Variants in FLT4 observed in about 807,000 individuals in gnomAD.
The protein encoded by FLT4 is vascular endothelial growth factor receptor 3.
A neutral mutation model predicts 163.2 loss-of-function variants in FLT4; 30 were observed. The observed-to-expected ratio is 0.18, with a 90% CI of 0.14 to 0.25. FLT4 has a LOEUF of 0.25. FLT4 is among the 10% of genes least tolerant of loss of function. The probability of loss-of-function intolerance (pLI) is 1.00; values close to 1 mark genes in which losing one functional copy is unlikely to be tolerated. For missense variants in FLT4, 1,510 were observed against 1,863.8 expected (o/e 0.81, Z 3.50); for synonymous variants, 884 against 789.5 (o/e 1.12, Z -2.01).
rs770509592 is a variant in FLT4, at chr5:180,629,846, G to A, written c.677-11C>T. The stretch of plus-strand genomic sequence containing the variant: ...CATAGAGCTCGTTGCCTGTTGACAC[G>A]CACACAGTGACTCCCACGCCCTCAC... On this transcript the variant is annotated splice_polypyrimidine_tract_variant and intron_variant, in intron 5 of 29. Coordinates refer to ENST00000261937, the MANE Select transcript of FLT4 (RefSeq NM_182925.5). 4 of 1,612,490 alleles carry A rather than the reference G, an allele frequency of 2.5e-6. No homozygotes were observed. The South Asian group carries it at 3.3e-5, about 13-fold the overall frequency.
Position 180,613,842 on chromosome 5 carries a change from T to G in FLT4, c.3331+226A>C, listed in dbSNP as rs533958550. 198 of 601,274 alleles carry G rather than the reference T, an allele frequency of 3.3e-4. 1 individual carries two copies. Among genetic ancestry groups the G allele is most frequent in the African/African-American group, 3.3e-3 (179 of 54,968 alleles). The allele number at this position is 601,274 out of a possible 1,614,324, so 37.2% of individuals were successfully genotyped here. On this transcript the variant is annotated intron_variant, in intron 24 of 29. Transcript: ENST00000261937. ...GGCTCAGTCCTGGCTCAGGCTTCAA[T>G]GTGCACCCCACAGAGGGTGGCCCAC...
chr5:180,608,302 C>T (rs1299866591), intron 29 of FLT4: 39 of 700,710 alleles, frequency 5.6e-5, no homozygotes, highest in East Asian at 2.9e-4. Flanking sequence ...GGAAGGGCCC[C>T]GTCCCATGAT....
chr5:180,618,646 G>C (rs2127806082), intron 21 of FLT4, 124 bp downstream of exon 21: 1 of 1,056,798 alleles, frequency 9.5e-7, no homozygotes, highest in South Asian at 1.4e-5. Context: ...CCCTTCCTAA[G>C]GCAGAGCCCA....
In FLT4 at chr5:180,602,068, G is replaced by A. The variant is rs545446086; in HGVS notation, c.*1124C>T. 1.1e-4 allele frequency: 25 copies of A among 233,530 alleles called. No individual in the cohort carries two copies. In the South Asian group the frequency reaches 3.4e-3, roughly 32 times the overall value. The allele number at this position is 233,530 out of a possible 1,614,324, so 14.5% of individuals were successfully genotyped here. ...TCTCGGCTGCTCCTCTGGGAGGGCG[G>A]CATTCTGACCAGCCAGGGTGCTGAT... is the stretch of plus-strand genomic sequence containing the variant. On this transcript the variant is annotated 3_prime_UTR_variant, in exon 30 of 30. Coordinates refer to ENST00000261937, the MANE Select transcript of FLT4 (RefSeq NM_182925.5).
At chr5:180,633,802 T>C (rs1028720199) in intron 1 of FLT4, among the ~76,000 whole-genome samples, 7 of 152,112 alleles carry the variant, frequency 4.6e-5, no homozygotes, top group Admixed American at 2.0e-4. Flanking sequence ...TCCGGATGAA[T>C]AGACTCTACC....
chr5:180,625,338 GC>G (rs1305464687), intron 10 of FLT4, among the ~76,000 whole-genome samples: 1 of 152,176 alleles, frequency 6.6e-6, no homozygotes, highest in African/African-American at 2.4e-5. Context: ...GGGTCCTGTT[GC>G]TTACAGCTGT....
At chr5:180,629,521 C>G in intron 6 of FLT4, 94 bp from the exon 7 acceptor site, 1 of 1,532,362 alleles carries the variant, frequency 6.5e-7, no homozygotes, top group Non-Finnish European at 8.9e-7. Context: ...AGCGGTGGCT[C>G]CGGAAGCCCT....
At chr5:180,643,597 C>G (rs539928274) in intron 1 of FLT4, among the ~76,000 whole-genome samples, 1 of 152,168 alleles carries the variant, frequency 6.6e-6, no homozygotes, top group Non-Finnish European at 1.5e-5. Flanking sequence ...CATCCCCTGC[C>G]CCTTTGCTGC....
rs549236425 is a variant in FLT4 at position 180,645,140 on chromosome 5, G to T, written c.58+4348C>A. Among the ~76,000 whole-genome samples, 126 of 152,348 alleles carry T rather than the reference G, an allele frequency of 8.3e-4. No individual in the cohort carries two copies. In the Middle Eastern group the frequency reaches 0.017, roughly 21 times the overall value. On this transcript the variant is annotated intron_variant, in intron 1 of 29. Coordinates refer to ENST00000261937, the MANE Select transcript of FLT4 (RefSeq NM_182925.5). ...CTTATCTTGTGGGTGAGTTGGGGGG[G>T]GCCCTGAAGGCTCATTTACAGCAGT...
chr5:180,645,140 G>A (rs549236425), intron 1 of FLT4, among the ~76,000 whole-genome samples: 1 of 152,230 alleles, frequency 6.6e-6, no homozygotes, highest in Admixed American at 6.5e-5. Flanking sequence ...AGTTGGGGGG[G>A]GCCCTGAAGG....
At chr5:180,643,842 A>G (rs114933895) in intron 1 of FLT4, among the ~76,000 whole-genome samples, 6,095 of 150,552 alleles carry the variant, frequency 0.04, 172 homozygotes, top group South Asian at 0.12. Flanking sequence ...TTTTTTTTGA[A>G]GTGGAGTCTC....
intron 22 of FLT4, 69 bp from the exon 23 acceptor site, chr5:180,616,558 T>C: frequency 1.3e-6 from 2 of 1,583,948 alleles, no homozygotes; most frequent in South Asian, 1.1e-5. Context: ...CACCCGAAAC[T>C]CCAGGGTGCC....
Position 180,608,984 on chromosome 5 carries a change from G to C in FLT4, c.3877C>G (p.Gln1293Glu), listed in dbSNP as rs749584388. The C allele has an allele frequency of 6.2e-6, 10 of 1,613,956 alleles. No homozygotes were observed. Among genetic ancestry groups the C allele is most frequent in the Admixed American group, 3.3e-5 (2 of 60,012 alleles). Residue 1293 changes from glutamine (Q) to glutamate (E), a missense_variant, in exon 29 of 30, where the codon CAA becomes GAA. Coordinates refer to ENST00000261937, the MANE Select transcript of FLT4 (RefSeq NM_182925.5). ...AGCCCTTACCTGAAGCCGCTTTCTT[G>C]TCTATGCCTGCTCTCTATCTGCTCA... ...EFEQIESRHR[Q>E]ESGFSCKGPG...
At chr5:180,638,273 T>C (rs1234637183) in intron 1 of FLT4, among the ~76,000 whole-genome samples, 2 of 152,206 alleles carry the variant, frequency 1.3e-5, no homozygotes, top group Non-Finnish European at 2.9e-5. Context: ...ACGTTTCCGA[T>C]GCTAAACTGC....
intron 1 of FLT4, among the ~76,000 whole-genome samples, chr5:180,638,143 C>G (rs946116214): frequency 6.6e-6 from 1 of 152,228 alleles, no homozygotes; most frequent in Non-Finnish European, 1.5e-5. Flanking sequence ...ACCGCCGTCT[C>G]TCTGGAGTCC....
At position 180,618,840 on chromosome 5, in the gene FLT4, G is replaced by C. The variant is rs772333279; in HGVS notation, c.2931C>G (p.Ser977Arg). The change falls in exon 21 of 30, where the codon AGC (serine) becomes AGG (arginine). Residue 977 changes from serine to arginine, a missense_variant. Physicochemically the swap from Ser to Arg is moderately radical, Grantham distance 110. Around this residue, in one of 5 missense-constraint regions of FLT4, gnomAD observed 878 missense variants for 1,016.7 expected, o/e 0.86. Transcript: ENST00000261937. ...AGAACCGCGCGAAGAGGACCCTGTC[G>C]CTGCTCCCCGGCCGCCTCCGATCCA... is the stretch of plus-strand genomic sequence containing the variant. ...ARLDRRRPGSSDRVLFARFSK... is the reference protein window; with the variant it reads ...ARLDRRRPGSRDRVLFARFSK... 5.1e-6 allele frequency: 8 copies of C among 1,581,408 alleles called. No individual in the cohort carries two copies. The highest frequency in any genetic ancestry group is 6.9e-6 in the Non-Finnish European group (8 of 1,164,540).
In FLT4 at chr5:180,609,437, G is replaced by A. The variant is rs1435172150; in HGVS notation, c.3808-384C>T. ...GCTGCCTCCCGGTTTGGGGGGCTTT[G>A]TTATCCTTCGACTGTGGCTTGGTGT... On this transcript the variant is annotated intron_variant, in intron 28 of 29. Transcript: ENST00000261937. The A allele has an allele frequency of 1.0e-5, 4 of 400,256 alleles. No homozygotes were observed. In the East Asian group the frequency reaches 1.8e-4, roughly 18 times the overall value. The allele number at this position is 400,256 out of a possible 1,614,324, so 24.8% of individuals were successfully genotyped here. A position where few individuals can be genotyped will look rare whatever the true frequency, so the allele number is the denominator to read the frequency against.
At chr5:180,610,115 TGGAAA>T in intron 27 of FLT4, 90 bp from the exon 28 acceptor site, 1 of 1,588,168 alleles carries the variant, frequency 6.3e-7, no homozygotes, top group Non-Finnish European at 8.6e-7. Context: ...CCTCTTCTCC[TGGAAA>T]GGACCCCCCG....
At position 180,603,123 on chromosome 5, in the gene FLT4, G is replaced by T; in HGVS notation, c.*69C>A. On this transcript the variant is annotated 3_prime_UTR_variant, in exon 30 of 30. Transcript: ENST00000261937. ...TTCAACCAGATGAGTTCCCAGCCTG[G>T]GCCTCCAGCCCTCTGCCCGCCCTGC... The T allele has an allele frequency of 6.7e-7, 1 of 1,491,968 alleles. No individual in the cohort carries two copies. Among genetic ancestry groups the T allele is most frequent in the Non-Finnish European group, 9.3e-7 (1 of 1,075,290 alleles). 92.4% of individuals were successfully genotyped at this position (1,491,968 alleles called of 1,614,324 possible). A position where few individuals can be genotyped will look rare whatever the true frequency, so the allele number is the denominator to read the frequency against.
Sources: gnomAD v4.1 joint callset for allele counts (sites outside exome capture counted in the v4.1 genomes callset) on GRCh38, gnomAD v4.1.1 for gene constraint, gnomAD v4.1.1 regional missense constraint, MANE v1.5 for transcripts, NCBI Gene and HGNC (gene_info 2026-07-23, HGNC 2026-07-21) for gene names.